Variants in AGAP1 observed in about 807,000 individuals in gnomAD.
The protein encoded by AGAP1 is arf-GAP with GTPase, ANK repeat and PH domain-containing protein 1.
In AGAP1, 29 loss-of-function variants were observed where a neutral mutation model predicts 105.3. The observed-to-expected ratio is 0.28, with a 90% CI of 0.21 to 0.38. AGAP1 has a LOEUF of 0.38. Ranked by LOEUF, AGAP1 falls within the 10% of genes least tolerant of loss-of-function variation. The pLI is 1.00. For missense variants in AGAP1, 998 were observed against 1,165.1 expected, an observed-to-expected ratio of 0.86 and a Z score of 2.09; for synonymous variants, 509 against 485.9, an observed-to-expected ratio of 1.05 and a Z score of -0.63.
chr2:235,599,323 C>G lies in AGAP1; in HGVS notation c.163+104474C>G, dbSNP rs906346401. Among the ~76,000 whole-genome samples, 1 of 151,926 alleles carries G rather than the reference C, an allele frequency of 6.6e-6. No homozygotes were observed. The highest frequency in any genetic ancestry group is 1.5e-5 in the Non-Finnish European group (1 of 68,022). ...GGGTGGCAGTGTGCTTTCTTCCTGC[C>G]CCAATTTTGCCCAGGAGGAGTCTGG... On this transcript the variant is annotated intron_variant, in intron 1 of 17. Transcript: ENST00000304032. The surrounding 1 kb of genome is among the most constrained non-coding windows in gnomAD (Gnocchi z 5.3).
intron 13 of AGAP1, among the ~76,000 whole-genome samples, chr2:236,032,770 C>G (rs79208494): frequency 0.017 from 2,623 of 152,138 alleles, 88 homozygotes; most frequent in African/African-American, 0.061. Flanking sequence ...GTGAGGAAAC[C>G]ATGCCAAATC....
chr2:235,499,328 T>A (rs908741038), intron 1 of AGAP1, among the ~76,000 whole-genome samples: 3 of 152,246 alleles, frequency 2.0e-5, no homozygotes, highest in African/African-American at 7.2e-5. Flanking sequence ...GTGGCAAAAC[T>A]TCCAGAAGCA....
Position 235,642,165 on chromosome 2 carries a change from C to T in AGAP1, c.164-67014C>T, listed in dbSNP as rs987227971. ...TCCACGGAGTGCGGCGCCTGCTCGA[C>T]TTGGCCTTCTGGCACTGGGGATTCC... On this transcript the variant is annotated intron_variant, in intron 1 of 17. Transcript: ENST00000304032. This position sits in a 1 kb window ranked among gnomAD's most constrained non-coding sequence, Gnocchi z 4.1. Among the ~76,000 whole-genome samples, 5 of 152,256 alleles carry T rather than the reference C, an allele frequency of 3.3e-5. No individual in the cohort carries two copies. Among genetic ancestry groups the T allele is most frequent in the African/African-American group, 1.2e-4 (5 of 41,464 alleles).
At position 235,967,607 on chromosome 2, in the gene AGAP1, T is replaced by G. The variant is rs2054460878; in HGVS notation, c.1484-855T>G. Among the ~76,000 whole-genome samples, 1 of 152,202 alleles carries G rather than the reference T, an allele frequency of 6.6e-6. No homozygotes were observed. The highest frequency in any genetic ancestry group is 1.5e-5 in the Non-Finnish European group (1 of 68,040). On this transcript the variant is annotated intron_variant, in intron 12 of 17. Transcript: ENST00000304032. This position sits in a 1 kb window ranked among gnomAD's most constrained non-coding sequence, Gnocchi z 4.7. ...CGGTGTGCTGTACAGAACTCTGACT[T>G]TGGACTTAAAGATGCTGAATCGTGA...
rs1231304386 is a variant in AGAP1 at position 235,951,597 on chromosome 2, G to A, written c.1484-16865G>A. Among the ~76,000 whole-genome samples, 4 of 152,154 alleles carry A rather than the reference G, an allele frequency of 2.6e-5. 1 individual carries two copies. The highest frequency in any genetic ancestry group is 4.2e-4 in the South Asian group (2 of 4,804). The stretch of plus-strand genomic sequence containing the variant: ...AACAGGCGTAAACAGAGGTTGTCCC[G>A]GGAAAGGCAGAATGAATGTCACCCA... On this transcript the variant is annotated intron_variant, in intron 12 of 17. Coordinates refer to ENST00000304032, the MANE Select transcript of AGAP1 (RefSeq NM_001037131.3). This position sits in a 1 kb window ranked among gnomAD's most constrained non-coding sequence, Gnocchi z 4.2.
intron 1 of AGAP1, among the ~76,000 whole-genome samples, chr2:235,646,235 A>G (rs975445198): frequency 1.4e-5 from 2 of 141,662 alleles, no homozygotes; most frequent in Non-Finnish European, 3.0e-5. Context: ...GCGCCATTGC[A>G]CTCCAGCCTG....
chr2:236,103,302 A>G (rs1193643293), intron 16 of AGAP1, among the ~76,000 whole-genome samples: 6 of 152,084 alleles, frequency 3.9e-5, no homozygotes, highest in Non-Finnish European at 7.4e-5. Context: ...TTCTAAAGGC[A>G]TGGTCCCACC....
At chr2:235,999,031 G>A (rs1174580873) in intron 13 of AGAP1, among the ~76,000 whole-genome samples, 2 of 151,378 alleles carry the variant, frequency 1.3e-5, no homozygotes, top group Non-Finnish European at 2.9e-5. Context: ...TGGTGGTGGT[G>A]GTACTGGTGA....
chr2:235,505,824 TC>T (rs1304561047), intron 1 of AGAP1: 2 of 151,670 alleles, frequency 1.3e-5, no homozygotes, highest in African/African-American at 4.8e-5. Context: ...TGATAAGTGA[TC>T]CTTGACAGCC....
chr2:235,957,838 AG>A lies in AGAP1; in HGVS notation c.1484-10619del, dbSNP rs2054012742. ...TACAACGACTTCATCTTGAGTTCAC[AG>A]GGGGCTTCAGCCCTCAACTGATTTC... On this transcript the variant is annotated intron_variant, in intron 12 of 17. Transcript: ENST00000304032. The surrounding 1 kb of genome is among the most constrained non-coding windows in gnomAD (Gnocchi z 4.6). 6.6e-6 allele frequency among the ~76,000 whole-genome samples: 1 copy of A among 152,234 alleles called. No individual in the cohort carries two copies. The highest frequency in any genetic ancestry group is 6.5e-5 in the Admixed American group (1 of 15,284).
At position 235,610,617 on chromosome 2, in the gene AGAP1, G is replaced by A. The variant is rs1029760637; in HGVS notation, c.164-98562G>A. Among the ~76,000 whole-genome samples, 1 of 152,122 alleles carries A rather than the reference G, an allele frequency of 6.6e-6. No homozygotes were observed. ...ATCCCACCTCAGATACCATCGCATT[G>A]GGGGTTGAGCTTTAAATACAAATTT... On this transcript the variant is annotated intron_variant, in intron 1 of 17. Transcript: ENST00000304032. The surrounding 1 kb of genome is among the most constrained non-coding windows in gnomAD (Gnocchi z 4.9).
Position 235,574,619 on chromosome 2 carries a change from TC to T in AGAP1, c.163+79772del, listed in dbSNP as rs955624736. 1.3e-5 allele frequency among the ~76,000 whole-genome samples: 2 copies of T among 152,184 alleles called. No homozygotes were observed. Among genetic ancestry groups the T allele is most frequent in the African/African-American group, 4.8e-5 (2 of 41,456 alleles). On this transcript the variant is annotated intron_variant, in intron 1 of 17. Coordinates refer to ENST00000304032, the MANE Select transcript of AGAP1 (RefSeq NM_001037131.3). The surrounding 1 kb of genome is among the most constrained non-coding windows in gnomAD (Gnocchi z 5.0). The stretch of plus-strand genomic sequence containing the variant: ...AAAAGTCAAGCAGTGTTCTTTTAGG[TC>T]CTTTTTGGTTCTGTGCGACAGTTAA...
intron 9 of AGAP1, among the ~76,000 whole-genome samples, chr2:235,878,172 G>A (rs188247164): frequency 9.8e-5 from 15 of 152,322 alleles, no homozygotes; most frequent in African/African-American, 3.6e-4. Flanking sequence ...AGGAGGGCAG[G>A]GGGACTCCAT....
chr2:235,687,461 G>T (rs1456571076), intron 1 of AGAP1, among the ~76,000 whole-genome samples: 1 of 152,164 alleles, frequency 6.6e-6, no homozygotes, highest in East Asian at 1.9e-4. Context: ...TGACCTTTGG[G>T]GGTGACAGTC....
intron 1 of AGAP1, among the ~76,000 whole-genome samples, chr2:235,496,547 G>A (rs1574681703): frequency 6.6e-6 from 1 of 152,310 alleles, no homozygotes; most frequent in East Asian, 1.9e-4. Context: ...ATCCACAGAA[G>A]TCTGATGAAA....
rs1266684966 is a variant in AGAP1 at position 235,994,743 on chromosome 2, T to C, written c.1645+26120T>C. 6.6e-6 allele frequency among the ~76,000 whole-genome samples: 1 copy of C among 151,728 alleles called. No individual in the cohort carries two copies. The highest frequency in any genetic ancestry group is 2.4e-5 in the African/African-American group (1 of 41,302). On this transcript the variant is annotated intron_variant, in intron 13 of 17. Coordinates refer to ENST00000304032, the MANE Select transcript of AGAP1 (RefSeq NM_001037131.3). This position sits in a 1 kb window ranked among gnomAD's most constrained non-coding sequence, Gnocchi z 4.4. ...CAAGCTTCTCAGGGGAAGAGCATGA[T>C]GAATTTCTTTCTTTTTTTTTTTTTA...
chr2:236,118,318 C>T (rs1202910387), intron 16 of AGAP1, among the ~76,000 whole-genome samples: 3 of 151,126 alleles, frequency 2.0e-5, no homozygotes, highest in South Asian at 2.1e-4. Context: ...TGAATCAGTG[C>T]GTTATTAAAG....
intron 1 of AGAP1, among the ~76,000 whole-genome samples, chr2:235,502,437 C>T (rs1466893497): frequency 6.6e-6 from 1 of 152,152 alleles, no homozygotes; most frequent in Non-Finnish European, 1.5e-5. Flanking sequence ...AGTATTGTTT[C>T]TTCCATTGGT....
In AGAP1 at chr2:235,843,006, C is replaced by T. The variant is rs375464494; in HGVS notation, c.1050+35675C>T. ...CCTCCCAAAGTGCTGGAGTTACAGG[C>T]GTTAGCTGCCGTGCCCGGCCCGTGT... On this transcript the variant is annotated intron_variant, in intron 9 of 17. Transcript: ENST00000304032. This position sits in a 1 kb window ranked among gnomAD's most constrained non-coding sequence, Gnocchi z 5.9. Among the ~76,000 whole-genome samples, 1 of 152,192 alleles carries T rather than the reference C, an allele frequency of 6.6e-6. No individual in the cohort carries two copies. Among genetic ancestry groups the T allele is most frequent in the Non-Finnish European group, 1.5e-5 (1 of 68,038 alleles).
Sources: gnomAD v4.1 joint callset for allele counts (sites outside exome capture counted in the v4.1 genomes callset) on GRCh38, gnomAD v4.1.1 for gene constraint, Gnocchi (gnomAD v3.1) non-coding constraint, MANE v1.5 for transcripts, NCBI Gene and HGNC (gene_info 2026-07-23, HGNC 2026-07-21) for gene names.